Variants in NRG3 observed in about 807,000 individuals in gnomAD.
The protein encoded by NRG3 is neuregulin 3.
In NRG3, 31 loss-of-function variants were observed where a neutral mutation model predicts 66.9. The ratio of observed to expected loss-of-function variants is 0.46; its 90% CI spans 0.35 to 0.63. The LOEUF is 0.63. Among genes scored for constraint, NRG3 ranks in the 20% least tolerant of loss-of-function variants. The pLI is 0.00. For synonymous variants in NRG3, 393 were observed against 359.4 expected (o/e 1.09, Z -1.06); for missense variants, 910 against 878.9 (o/e 1.04, Z -0.45).
intron 1 of NRG3, among the ~76,000 whole-genome samples, chr10:82,227,346 G>T (rs2076216942): frequency 6.6e-6 from 1 of 151,982 alleles, no homozygotes. Flanking sequence ...TACTTACTAA[G>T]CTCCTGAAAA....
intron 3 of NRG3, among the ~76,000 whole-genome samples, chr10:82,828,563 G>A (rs537339746): frequency 1.3e-5 from 2 of 152,262 alleles, no homozygotes; most frequent in Non-Finnish European, 2.9e-5. Flanking sequence ...TGAGACCTGG[G>A]ATAAACATAG....
chr10:82,160,848 T>TC (rs1170694500), intron 1 of NRG3, among the ~76,000 whole-genome samples: 1 of 151,986 alleles, frequency 6.6e-6, no homozygotes, highest in Non-Finnish European at 1.5e-5. Context: ...ACAGCAAGGC[T>TC]CATAAACAGC....
intron 2 of NRG3, among the ~76,000 whole-genome samples, chr10:82,473,381 A>G (rs1841455382): frequency 6.6e-6 from 1 of 152,218 alleles, no homozygotes; most frequent in Non-Finnish European, 1.5e-5. Context: ...TAAATGTATT[A>G]GGGGTGACAA....
intron 2 of NRG3, among the ~76,000 whole-genome samples, chr10:82,530,767 T>G (rs1473102824): frequency 6.6e-6 from 1 of 151,922 alleles, no homozygotes; most frequent in Non-Finnish European, 1.5e-5. Flanking sequence ...TTTGGCATTT[T>G]AGAATATCTT....
intron 1 of NRG3, among the ~76,000 whole-genome samples, chr10:81,931,571 A>T (rs1049459749): frequency 2.6e-5 from 4 of 152,118 alleles, no homozygotes; most frequent in African/African-American, 9.7e-5. Context: ...ATCAGTATTC[A>T]GTCTTCCAGG....
chr10:82,484,430 G>A (rs1353711774), intron 2 of NRG3, among the ~76,000 whole-genome samples: 1 of 152,218 alleles, frequency 6.6e-6, no homozygotes, highest in Non-Finnish European at 1.5e-5. Context: ...GATGATATAT[G>A]TAAAGAATTT....
chr10:82,940,861 G>A (rs1264458485), intron 4 of NRG3, among the ~76,000 whole-genome samples: 1 of 152,024 alleles, frequency 6.6e-6, no homozygotes, highest in Non-Finnish European at 1.5e-5. Flanking sequence ...AGGGCATTAG[G>A]TACTAACATA....
At chr10:82,102,581 T>C (rs1448953549) in intron 1 of NRG3, among the ~76,000 whole-genome samples, 2 of 151,920 alleles carry the variant, frequency 1.3e-5, no homozygotes, top group South Asian at 2.1e-4. Context: ...ATTTTTATCA[T>C]GATATTTTAA....
intron 1 of NRG3, among the ~76,000 whole-genome samples, chr10:82,048,860 A>C (rs888456900): frequency 6.6e-6 from 1 of 151,704 alleles, no homozygotes; most frequent in African/African-American, 2.4e-5. Flanking sequence ...TAGCAAGACT[A>C]ATAAAGAAAA....
chr10:82,399,363 T>G (rs752319019), intron 2 of NRG3, among the ~76,000 whole-genome samples: 55 of 152,348 alleles, frequency 3.6e-4, no homozygotes, highest in Non-Finnish European at 6.5e-4. Flanking sequence ...GAAGAAAATT[T>G]AGCTATTCTG....
intron 2 of NRG3, among the ~76,000 whole-genome samples, chr10:82,599,847 A>G (rs1296175491): frequency 6.6e-6 from 1 of 152,078 alleles, no homozygotes; most frequent in African/African-American, 2.4e-5. Flanking sequence ...AATAAAGTGA[A>G]ACAAAACAAA....
chr10:82,016,997 C>A (rs2061813909), intron 1 of NRG3, among the ~76,000 whole-genome samples: 1 of 152,150 alleles, frequency 6.6e-6, no homozygotes, highest in South Asian at 2.1e-4. Flanking sequence ...ACGTTTGTTA[C>A]ATGTGTATAC....
At chr10:82,886,158 G>A (rs996830686) in intron 4 of NRG3, among the ~76,000 whole-genome samples, 4 of 152,186 alleles carry the variant, frequency 2.6e-5, no homozygotes, top group African/African-American at 9.7e-5. Context: ...GAGCCACAGG[G>A]CCCGGCCTTA....
intron 2 of NRG3, among the ~76,000 whole-genome samples, chr10:82,455,389 G>T (rs1294691784): frequency 1.3e-5 from 2 of 152,046 alleles, no homozygotes; most frequent in African/African-American, 4.8e-5. Context: ...GTGACACAAT[G>T]GTAAGTATTA....
chr10:82,049,575 T>C (rs1424822858), intron 1 of NRG3, among the ~76,000 whole-genome samples: 1 of 152,144 alleles, frequency 6.6e-6, no homozygotes, highest in Non-Finnish European at 1.5e-5. Context: ...TTTATGTTGT[T>C]TCTGCTTTTT....
In NRG3 at chr10:82,130,986, G is replaced by A. The variant is rs7101101; in HGVS notation, c.824-227753G>A. Among the ~76,000 whole-genome samples, 1,204 of 152,180 alleles carry A rather than the reference G, an allele frequency of 7.9e-3. 17 individuals carry two copies. The highest frequency in any genetic ancestry group is 0.027 in the African/African-American group (1,138 of 41,516). ...ATTTGCAAATATTTCCTTCCATTCT[G>A]TAGGTTGTCAATTCACTTTGTTGAT... On this transcript the variant is annotated intron_variant, in intron 1 of 8. Transcript: ENST00000372141.
intron 7 of NRG3, among the ~76,000 whole-genome samples, chr10:82,974,214 T>TC (rs2132595291): frequency 6.6e-6 from 1 of 152,328 alleles, no homozygotes; most frequent in African/African-American, 2.4e-5. Context: ...AAATATGTTA[T>TC]CTAGCCTGCC....
At chr10:82,080,663 T>A (rs2065339879) in intron 1 of NRG3, among the ~76,000 whole-genome samples, 1 of 152,202 alleles carries the variant, frequency 6.6e-6, no homozygotes, top group Non-Finnish European at 1.5e-5. Flanking sequence ...GAAGACCAAT[T>A]TCTGATTTTT....
chr10:82,859,512 G>C (rs755827273), intron 3 of NRG3, among the ~76,000 whole-genome samples: 1 of 152,078 alleles, frequency 6.6e-6, no homozygotes, highest in Non-Finnish European at 1.5e-5. Context: ...CGATGTTTTC[G>C]CTTGCTCTGT....
Sources: gnomAD v4.1 joint callset for allele counts (sites outside exome capture counted in the v4.1 genomes callset) on GRCh38, gnomAD v4.1.1 for gene constraint, MANE v1.5 for transcripts, NCBI Gene and HGNC (gene_info 2026-07-23, HGNC 2026-07-21) for gene names.